The following SH3PXD2A variants were observed in gnomAD, a reference collection of about 807,000 sequenced individuals.
The protein encoded by SH3PXD2A is SH3 and PX domains 2A.
A neutral mutation model predicts 115.2 loss-of-function variants in SH3PXD2A; 32 were observed. The ratio of observed to expected loss-of-function variants is 0.28; its 90% CI spans 0.21 to 0.37. The LOEUF is 0.37. SH3PXD2A is among the 10% of genes least tolerant of loss of function. SH3PXD2A has a pLI of 1.00. For synonymous variants in SH3PXD2A, 610 were observed against 629.1 expected (o/e 0.97, Z 0.45); for missense variants, 1,328 against 1,498.7 (o/e 0.89, Z 1.88).
At chr10:103,814,682 C>A (rs1250486577) in intron 1 of SH3PXD2A, among the ~76,000 whole-genome samples, 2 of 152,170 alleles carry the variant, frequency 1.3e-5, no homozygotes, top group Admixed American at 1.3e-4. Flanking sequence ...AAGCAAAATC[C>A]ACTGGGAATG....
intron 8 of SH3PXD2A, among the ~76,000 whole-genome samples, chr10:103,653,090 C>T (rs931759020): frequency 3.9e-5 from 6 of 152,294 alleles, no homozygotes; most frequent in East Asian, 1.9e-4. Flanking sequence ...GTCTCCACAG[C>T]GCCTGCTTGT....
chr10:103,599,181 TGG>T lies in SH3PXD2A; in HGVS notation c.*2633_*2634del, dbSNP rs2036180381. The T allele has an allele frequency of 2.0e-5, 3 of 151,506 alleles. No homozygotes were observed. The East Asian group carries it at 5.9e-4, about 30-fold the overall frequency. The allele number at this position is 151,506 out of a possible 1,614,324, so 9.4% of individuals were successfully genotyped here. A position where few individuals can be genotyped will look rare whatever the true frequency, so the allele number is the denominator to read the frequency against. ...CTTGGGCCGCAGTAACAGGAAGGGA[TGG>T]GATAGAGACCTCTGAGGTCTCTTTC... On this transcript the variant is annotated 3_prime_UTR_variant, in exon 15 of 15. Transcript: ENST00000369774.
At chr10:103,686,075 T>A (rs1027221523) in intron 6 of SH3PXD2A, among the ~76,000 whole-genome samples, 2 of 152,220 alleles carry the variant, frequency 1.3e-5, no homozygotes, top group African/African-American at 2.4e-5. Flanking sequence ...GCTGATCTCA[T>A]GAACTCAGCT....
At chr10:103,791,104 A>G (rs1385607339) in intron 2 of SH3PXD2A, among the ~76,000 whole-genome samples, 1 of 152,242 alleles carries the variant, frequency 6.6e-6, no homozygotes, top group Non-Finnish European at 1.5e-5. Context: ...GCCAATGAAC[A>G]GTGCCAAGGA....
At chr10:103,645,911 A>G (rs1031600645) in intron 8 of SH3PXD2A, among the ~76,000 whole-genome samples, 1 of 152,234 alleles carries the variant, frequency 6.6e-6, no homozygotes, top group African/African-American at 2.4e-5. Flanking sequence ...GGATTCACCA[A>G]GAGGCAGCAG....
rs927345 is a variant in SH3PXD2A at position 103,815,405 on chromosome 10, C to T, written c.73-14043G>A. Among the ~76,000 whole-genome samples, 1,030 of 148,424 alleles carry T rather than the reference C, an allele frequency of 6.9e-3. 26 individuals carry two copies. The highest frequency in any genetic ancestry group is 0.057 in the Admixed American group (840 of 14,814). On this transcript the variant is annotated intron_variant, in intron 1 of 14. Coordinates refer to ENST00000369774, the MANE Select transcript of SH3PXD2A (RefSeq NM_001394015.1). ...ATATATACAGTGTATATATTATACA[C>T]TATATGTATTTATATACAATATACA...
At chr10:103,663,698 A>T (rs2047038) in intron 7 of SH3PXD2A, among the ~76,000 whole-genome samples, 9 of 152,350 alleles carry the variant, frequency 5.9e-5, no homozygotes, top group East Asian at 1.9e-4. Flanking sequence ...GTCCTTCTGT[A>T]GGGGGAGGCT....
chr10:103,800,036 A>G (rs1015209661), intron 2 of SH3PXD2A, among the ~76,000 whole-genome samples: 1 of 152,196 alleles, frequency 6.6e-6, no homozygotes, highest in African/African-American at 2.4e-5. Context: ...TGACCTCTCC[A>G]AGATGACTGA....
At chr10:103,619,281 T>G (rs2036567921) in intron 10 of SH3PXD2A, among the ~76,000 whole-genome samples, 1 of 152,180 alleles carries the variant, frequency 6.6e-6, no homozygotes, top group Non-Finnish European at 1.5e-5. Flanking sequence ...TCCTGCCTGC[T>G]CCTGGTTCTG....
intron 13 of SH3PXD2A, among the ~76,000 whole-genome samples, chr10:103,606,785 G>C (rs1171312278): frequency 2.6e-5 from 4 of 152,264 alleles, no homozygotes; most frequent in East Asian, 3.9e-4. Context: ...ACGGAGTCTC[G>C]TTCACTCAGT....
intron 8 of SH3PXD2A, among the ~76,000 whole-genome samples, chr10:103,648,704 C>T (rs754597302): frequency 3.3e-5 from 5 of 152,222 alleles, no homozygotes; most frequent in South Asian, 2.1e-4. Context: ...TTTCTGTTCC[C>T]GGCACTATCC....
intron 5 of SH3PXD2A, among the ~76,000 whole-genome samples, chr10:103,720,429 G>A (rs1276724929): frequency 1.3e-5 from 2 of 152,188 alleles, no homozygotes; most frequent in Non-Finnish European, 2.9e-5. Context: ...GATCAAAGCC[G>A]AGGCGCTCAG....
chr10:103,754,443 G>A (rs370099329), intron 3 of SH3PXD2A: 12 of 152,224 alleles, frequency 7.9e-5, no homozygotes, highest in East Asian at 7.7e-4. Flanking sequence ...ACAGTACGAC[G>A]TAACTCCAGA....
rs980106692 is a variant in SH3PXD2A, at chr10:103,684,890, C to T, written c.427+8138G>A. 2.6e-5 allele frequency among the ~76,000 whole-genome samples: 4 copies of T among 152,050 alleles called. No homozygotes were observed. The South Asian group carries it at 8.3e-4, about 32-fold the overall frequency. On this transcript the variant is annotated intron_variant, in intron 6 of 14. Coordinates refer to ENST00000369774, the MANE Select transcript of SH3PXD2A (RefSeq NM_001394015.1). ...CAAAAACTAACTGGACGTGGTGGTG[C>T]ATGTCTGTAGTCCCAACTACTCAGA...
At chr10:103,702,161 C>CCATCCACCATCCATCCATCCATCATT (rs2037922362) in intron 5 of SH3PXD2A, among the ~76,000 whole-genome samples, 1 of 152,002 alleles carries the variant, frequency 6.6e-6, no homozygotes, top group African/African-American at 2.4e-5. Flanking sequence ...CATTCACCAT[C>CCATCCACCATCCATCCATCCATCATT]CATCCACCAT....
At chr10:103,652,621 C>T (rs1263562524) in intron 8 of SH3PXD2A, among the ~76,000 whole-genome samples, 1 of 152,218 alleles carries the variant, frequency 6.6e-6, no homozygotes, top group Non-Finnish European at 1.5e-5. Flanking sequence ...TTATACTCCC[C>T]AGAAAGTGTT....
intron 1 of SH3PXD2A, among the ~76,000 whole-genome samples, chr10:103,851,320 T>C (rs562745011): frequency 1.3e-5 from 2 of 152,266 alleles, no homozygotes; most frequent in South Asian, 4.2e-4. Flanking sequence ...GGGGACCAGA[T>C]ACCAGCCTGA....
At chr10:103,833,472 T>TAC (rs532067862) in intron 1 of SH3PXD2A, among the ~76,000 whole-genome samples, 4,417 of 151,434 alleles carry the variant, frequency 0.029, 100 homozygotes, top group Non-Finnish European at 0.042. Flanking sequence ...TATATATATA[T>TAC]ATTTATATCT....
At chr10:103,837,144 T>C (rs908279962) in intron 1 of SH3PXD2A, among the ~76,000 whole-genome samples, 4 of 152,200 alleles carry the variant, frequency 2.6e-5, no homozygotes, top group Non-Finnish European at 5.9e-5. Context: ...ACTTATCAAG[T>C]ATTCTTCAGC....
Sources: gnomAD v4.1 joint callset for allele counts (sites outside exome capture counted in the v4.1 genomes callset) on GRCh38, gnomAD v4.1.1 for gene constraint, MANE v1.5 for transcripts, NCBI Gene and HGNC (gene_info 2026-07-23, HGNC 2026-07-21) for gene names.